ATAD2B: variants seen among roughly 807,000 people sequenced by gnomAD.
ATAD2B encodes the protein ATPase family AAA domain containing 2B.
ATAD2B carries 40 observed loss-of-function variants against 167.6 expected under a neutral mutation model. That is an observed-to-expected ratio of 0.24 (90% CI 0.19 to 0.31). The LOEUF is 0.31. Ranked by LOEUF, ATAD2B falls within the 10% of genes least tolerant of loss-of-function variation. ATAD2B has a pLI of 1.00. For missense variants in ATAD2B, 1,242 were observed against 1,757.2 expected (o/e 0.71, Z 5.24); for synonymous variants, 579 against 596.5 (o/e 0.97, Z 0.43).
At chr2:23,756,355 G>C (rs1159085542) in intron 25 of ATAD2B, among the ~76,000 whole-genome samples, 1 of 151,568 alleles carries the variant, frequency 6.6e-6, no homozygotes. Flanking sequence ...ATATTTTCCT[G>C]CTTCCTAACT....
chr2:23,757,993 T>C lies in ATAD2B; in HGVS notation c.3503A>G (p.Asp1168Gly). The change falls in exon 25 of 28, where the codon GAC becomes GGC. Residue 1168 changes from aspartate to glycine, a missense_variant. Around this residue, in one of 9 missense-constraint regions of ATAD2B, gnomAD observed 282 missense variants for 346.8 expected, o/e 0.81. Coordinates refer to ENST00000238789, the MANE Select transcript of ATAD2B (RefSeq NM_017552.4). ...KKDEEDTKFA[D>G]YENHTEDRKL... ...CCTGTCCTCCGTATGGTTCTCATAG[T>C]CTGCAAATTTGGTGTCTTCTTCATC... 2 of 1,612,886 alleles carry C rather than the reference T, an allele frequency of 1.2e-6. No homozygotes were observed. The highest frequency in any genetic ancestry group is 2.7e-5 in the African/African-American group (2 of 74,998).
At chr2:23,847,947 C>A (rs1481743930) in intron 13 of ATAD2B, among the ~76,000 whole-genome samples, 1 of 144,212 alleles carries the variant, frequency 6.9e-6, no homozygotes, top group Non-Finnish European at 1.5e-5. Context: ...GAGCCGAGAT[C>A]GCACCACTGC....
intron 19 of ATAD2B, among the ~76,000 whole-genome samples, chr2:23,795,530 A>C (rs1682462324): frequency 6.6e-6 from 1 of 152,142 alleles, no homozygotes; most frequent in Non-Finnish European, 1.5e-5. Context: ...TTCATTCACC[A>C]AATATTTATC....
At chr2:23,822,274 T>C (rs1327007659) in intron 16 of ATAD2B, among the ~76,000 whole-genome samples, 4 of 152,066 alleles carry the variant, frequency 2.6e-5, no homozygotes, top group Non-Finnish European at 5.9e-5. Flanking sequence ...ATGACTCACA[T>C]CTCTAATCCC....
chr2:23,757,561 T>TC lies in ATAD2B; in HGVS notation c.3934dup (p.Asp1312GlyfsTer12), dbSNP rs757933486. On this transcript the variant is annotated frameshift_variant, in exon 25 of 28. Transcript: ENST00000238789. LOFTEE classifies it high-confidence loss of function. The stretch of plus-strand genomic sequence containing the variant: ...AGTTTCTGGTTTTTCTTTTGACTGG[T>TC]CCTCCAGAAGAATCTTTTGTTCAGA... 1 of 1,603,706 alleles carries TC rather than the reference T, an allele frequency of 6.2e-7. No homozygotes were observed. The highest frequency in any genetic ancestry group is 8.5e-7 in the Non-Finnish European group (1 of 1,177,244).
At chr2:23,844,810 G>A (rs908409913) in intron 13 of ATAD2B, among the ~76,000 whole-genome samples, 4 of 151,566 alleles carry the variant, frequency 2.6e-5, no homozygotes, top group African/African-American at 4.8e-5. Flanking sequence ...AGGTGGGGAC[G>A]ACAGAAAAAA....
Position 23,786,559 on chromosome 2 carries a change from T to C in ATAD2B, c.2777-336A>G, listed in dbSNP as rs191601971. 1.8e-4 allele frequency among the ~76,000 whole-genome samples: 27 copies of C among 152,166 alleles called. No homozygotes were observed. In the East Asian group the frequency reaches 4.6e-3, roughly 26 times the overall value. On this transcript the variant is annotated intron_variant, in intron 20 of 27. Coordinates refer to ENST00000238789, the MANE Select transcript of ATAD2B (RefSeq NM_017552.4). The stretch of plus-strand genomic sequence containing the variant: ...ACAGTCGTATTTCTGTATCTGAACA[T>C]AGAAAAGGTATAGTAAAAATACAGT...
chr2:23,863,257 C>T (rs1383284067), intron 12 of ATAD2B, 124 bp downstream of exon 12: 8 of 899,748 alleles, frequency 8.9e-6, no homozygotes, highest in Admixed American at 3.0e-5. Context: ...AGTAGTGAGA[C>T]GAGATCACGC....
At chr2:23,717,998 T>C in the ATAD2B span, among the ~76,000 whole-genome samples, 1 of 152,192 alleles carries the variant, frequency 6.6e-6, no homozygotes, top group Admixed American at 6.5e-5. Flanking sequence ...GGCAGGAAAT[T>C]TTTTTAAGTA....
intron 12 of ATAD2B, among the ~76,000 whole-genome samples, chr2:23,861,805 C>A (rs1694413248): frequency 6.6e-6 from 1 of 152,142 alleles, no homozygotes; most frequent in African/African-American, 2.4e-5. Context: ...AGCATTCAGA[C>A]TGCATGTTTG....
the ATAD2B span, chr2:23,706,899 C>A: frequency 2.2e-6 from 1 of 457,336 alleles, no homozygotes; most frequent in Non-Finnish European, 3.8e-6. Context: ...ATGGGGCTGG[C>A]TGCCTCCTGA....
the ATAD2B span, among the ~76,000 whole-genome samples, chr2:23,718,136 A>C: frequency 1.3e-5 from 2 of 152,228 alleles, no homozygotes; most frequent in African/African-American, 4.8e-5. Context: ...GGGCTCCGAG[A>C]AAATTTTTTT....
chr2:23,882,793 G>C (rs1032129994), intron 6 of ATAD2B, among the ~76,000 whole-genome samples: 4 of 150,582 alleles, frequency 2.7e-5, no homozygotes, highest in African/African-American at 7.3e-5. Flanking sequence ...CTGGGCAACA[G>C]AGCGAGACTC....
At chr2:23,752,841 A>C (rs958063668) in intron 27 of ATAD2B, among the ~76,000 whole-genome samples, 25 of 152,282 alleles carry the variant, frequency 1.6e-4, no homozygotes, top group African/African-American at 5.8e-4. Context: ...AGTGGCTTCC[A>C]TCACTACCAC....
rs140703107 is a variant in ATAD2B, at chr2:23,836,601, G to A, written c.1569-2523C>T. Among the ~76,000 whole-genome samples the A allele has an allele frequency of 9.7e-3, 1,477 of 152,308 alleles. 15 individuals carry two copies. Among genetic ancestry groups the A allele is most frequent in the Middle Eastern group, 0.037 (11 of 294 alleles). The stretch of plus-strand genomic sequence containing the variant: ...GAGCAAGGCGAAGAAGAGCTTTATT[G>A]AGTGACAGAATAGCTCAGAGGAGAT... On this transcript the variant is annotated intron_variant, in intron 13 of 27. Transcript: ENST00000238789.
At chr2:23,764,136 C>T (rs1001590526) in intron 23 of ATAD2B, among the ~76,000 whole-genome samples, 1 of 152,168 alleles carries the variant, frequency 6.6e-6, no homozygotes, top group Non-Finnish European at 1.5e-5. Context: ...ATCACTGGGT[C>T]ATACAGTAAA....
At chr2:23,840,727 G>A (rs961745264) in intron 13 of ATAD2B, among the ~76,000 whole-genome samples, 1 of 152,192 alleles carries the variant, frequency 6.6e-6, no homozygotes, top group African/African-American at 2.4e-5. Flanking sequence ...TTCCTGAAAT[G>A]TGGTGGTTCC....
At chr2:23,817,934 T>C (rs1046441786) in intron 17 of ATAD2B, among the ~76,000 whole-genome samples, 1 of 152,134 alleles carries the variant, frequency 6.6e-6, no homozygotes, top group African/African-American at 2.4e-5. Context: ...CTGTACATGA[T>C]ACTTTCTAAT....
At chr2:23,858,820 C>T (rs2712081) in intron 12 of ATAD2B, among the ~76,000 whole-genome samples, 5,868 of 152,162 alleles carry the variant, frequency 0.039, 111 homozygotes, top group South Asian at 0.046. Context: ...GATGTCCCAC[C>T]GTATGGATGT....
Sources: gnomAD v4.1 joint callset for allele counts (sites outside exome capture counted in the v4.1 genomes callset) on GRCh38, gnomAD v4.1.1 for gene constraint, gnomAD v4.1.1 regional missense constraint, MANE v1.5 for transcripts, NCBI Gene and HGNC (gene_info 2026-07-23, HGNC 2026-07-21) for gene names.